SVOP: variants seen among roughly 807,000 people sequenced by gnomAD.
SVOP encodes the protein SV2 related protein.
In SVOP, 17 loss-of-function variants were observed where a neutral mutation model predicts 69.1. The ratio of observed to expected loss-of-function variants is 0.25; its 90% CI spans 0.17 to 0.37. SVOP has a LOEUF of 0.37. Among genes scored for constraint, SVOP ranks in the 10% least tolerant of loss-of-function variants. SVOP has a pLI of 1.00. For synonymous variants in SVOP, 238 were observed against 238.6 expected (o/e 1.00, Z 0.02); for missense variants, 435 against 597.5 (o/e 0.73, Z 2.84).
At chr12:109,005,511 C>T (rs1183876432) in intron 1 of SVOP, among the ~76,000 whole-genome samples, 2 of 152,052 alleles carry the variant, frequency 1.3e-5, no homozygotes, top group East Asian at 3.9e-4. Context: ...TCCCTGACCT[C>T]GAGAAGTGGA....
chr12:108,965,872 T>C (rs2040042316), intron 5 of SVOP, among the ~76,000 whole-genome samples: 1 of 152,164 alleles, frequency 6.6e-6, no homozygotes, highest in South Asian at 2.1e-4. Context: ...TTGAACTAGA[T>C]AGTGACCGCT....
rs972750553 is a variant in SVOP at position 108,908,885 on chromosome 12, A to T, written c.*3650T>A. 6.6e-6 allele frequency: 1 copy of T among 152,104 alleles called. No homozygotes were observed. The highest frequency in any genetic ancestry group is 1.5e-5 in the Non-Finnish European group (1 of 68,040). The allele number at this position is 152,104 out of a possible 1,614,324, so 9.4% of individuals were successfully genotyped here. On this transcript the variant is annotated 3_prime_UTR_variant, in exon 16 of 16. Coordinates refer to ENST00000610966, the MANE Select transcript of SVOP (RefSeq NM_018711.5). ...CCCTTCCTTCCAGCCCTACAGCAGG[A>T]CTCATGCTGGGATGGGCATGACACC...
intron 1 of SVOP, among the ~76,000 whole-genome samples, chr12:109,012,327 T>A (rs1319355341): frequency 6.6e-6 from 1 of 151,346 alleles, no homozygotes; most frequent in Non-Finnish European, 1.5e-5. Context: ...GTTCAAGAGA[T>A]CTATCGTACA....
chr12:108,987,548 T>C (rs374872490), intron 1 of SVOP, among the ~76,000 whole-genome samples: 8 of 152,240 alleles, frequency 5.3e-5, no homozygotes, highest in African/African-American at 1.9e-4. Context: ...TGCACCGTTT[T>C]GTATTCTCAC....
At chr12:108,966,623 A>G (rs980448546) in intron 5 of SVOP, among the ~76,000 whole-genome samples, 1 of 152,126 alleles carries the variant, frequency 6.6e-6, no homozygotes, top group South Asian at 2.1e-4. Flanking sequence ...AGGTTGGGCC[A>G]GAATTCCATG....
chr12:108,996,006 A>G lies in SVOP; in HGVS notation c.36-12245T>C, dbSNP rs184897657. On this transcript the variant is annotated intron_variant, in intron 1 of 15. Transcript: ENST00000610966. ...CATACACACACATACATACATACAT[A>G]CATACACACACACACGCTGATCTGT... Among the ~76,000 whole-genome samples the G allele has an allele frequency of 2.2e-3, 330 of 152,192 alleles. 2 individuals are homozygous for G. Among genetic ancestry groups the G allele is most frequent in the Non-Finnish European group, 3.7e-3 (252 of 67,994 alleles).
chr12:108,937,493 C>T (rs1439707546), intron 9 of SVOP, among the ~76,000 whole-genome samples, 156 bp from the exon 10 acceptor site: 1 of 152,098 alleles, frequency 6.6e-6, no homozygotes, highest in Non-Finnish European at 1.5e-5. Flanking sequence ...ATCTACAGGA[C>T]GCAGCCTCCC....
intron 1 of SVOP, among the ~76,000 whole-genome samples, chr12:109,004,726 TC>T: frequency 6.6e-6 from 1 of 151,228 alleles, no homozygotes. Context: ...TCATTTCATT[TC>T]ATTTCATTTC....
chr12:108,976,324 T>A (rs553241615), intron 4 of SVOP, among the ~76,000 whole-genome samples: 18 of 152,118 alleles, frequency 1.2e-4, no homozygotes, highest in Non-Finnish European at 2.2e-4. Context: ...AACAGTTATC[T>A]ACAAAAAACA....
intron 1 of SVOP, among the ~76,000 whole-genome samples, chr12:108,998,328 C>T (rs1344447525): frequency 6.6e-6 from 1 of 151,964 alleles, no homozygotes; most frequent in Non-Finnish European, 1.5e-5. Context: ...ACCAAATCTA[C>T]GTCTGATTGG....
In SVOP at chr12:108,935,235, T is replaced by C. The variant is rs555428342; in HGVS notation, c.972-964A>G. Among the ~76,000 whole-genome samples the C allele has an allele frequency of 1.7e-4, 26 of 152,354 alleles. 1 individual carries two copies. The South Asian group carries it at 5.2e-3, about 30-fold the overall frequency. ...AGAGCAGAATGACACCGTTTATTAA[T>C]TCCTGGCTGACCCAGAAATTAGAAT... On this transcript the variant is annotated intron_variant, in intron 10 of 15. Transcript: ENST00000610966.
chr12:108,979,359 C>G (rs1593198102), intron 2 of SVOP, among the ~76,000 whole-genome samples: 1 of 152,162 alleles, frequency 6.6e-6, no homozygotes, highest in East Asian at 1.9e-4. Context: ...CCTGCCTCAG[C>G]CTCCCAAGTA....
chr12:109,017,074 T>C (rs1214611934), intron 1 of SVOP, among the ~76,000 whole-genome samples: 2 of 152,150 alleles, frequency 1.3e-5, no homozygotes, highest in African/African-American at 2.4e-5. Context: ...TCTGCAATTA[T>C]GGAAATGTCC....
chr12:109,017,466 C>T (rs1457049401), intron 1 of SVOP, among the ~76,000 whole-genome samples: 1 of 152,100 alleles, frequency 6.6e-6, no homozygotes, highest in Non-Finnish European at 1.5e-5. Flanking sequence ...ATAGTAGCCA[C>T]TAGCCACATG....
intron 10 of SVOP, 57 bp from the exon 11 acceptor site, chr12:108,934,328 T>C: frequency 6.8e-7 from 1 of 1,472,124 alleles, no homozygotes; most frequent in South Asian, 1.2e-5. Context: ...CAGTCCCCTT[T>C]CCCTACCCCC....
chr12:109,018,230 C>A (rs2040379084), intron 1 of SVOP, among the ~76,000 whole-genome samples: 1 of 152,184 alleles, frequency 6.6e-6, no homozygotes, highest in Non-Finnish European at 1.5e-5. Flanking sequence ...CACAAAAAGG[C>A]AGAACTGGAT....
intron 7 of SVOP, among the ~76,000 whole-genome samples, chr12:108,944,304 A>C (rs549586189): frequency 6.6e-6 from 1 of 152,222 alleles, no homozygotes; most frequent in East Asian, 1.9e-4. Flanking sequence ...TGGCCTCCCA[A>C]AGTCCCAGAT....
chr12:108,966,219 C>T (rs1309534866), intron 5 of SVOP, among the ~76,000 whole-genome samples: 1 of 152,166 alleles, frequency 6.6e-6, no homozygotes, highest in Non-Finnish European at 1.5e-5. Context: ...GTCTATTTTG[C>T]AGATGGGGAA....
chr12:108,982,998 A>G (rs1201371798), intron 2 of SVOP, among the ~76,000 whole-genome samples: 1 of 149,680 alleles, frequency 6.7e-6, no homozygotes, highest in Non-Finnish European at 1.5e-5. Flanking sequence ...CATCATTATC[A>G]TTGTCACCAT....
Sources: allele counts gnomAD v4.1 joint callset (sites outside exome capture counted in the v4.1 genomes callset), GRCh38; gene constraint gnomAD v4.1.1; transcripts MANE v1.5; gene names NCBI Gene and HGNC (gene_info 2026-07-23, HGNC 2026-07-21).